The following HS3ST3B1 variants were observed in gnomAD, a reference collection of about 807,000 sequenced individuals.
HS3ST3B1 encodes the protein heparan sulfate glucosamine 3-O-sulfotransferase 3B1.
HS3ST3B1 carries 13 observed loss-of-function variants against 21.3 expected under a neutral mutation model. The ratio of observed to expected loss-of-function variants is 0.61; its 90% CI spans 0.40 to 0.97. The LOEUF is 0.97. Ranked by LOEUF, HS3ST3B1 falls within the 50% of genes least tolerant of loss-of-function variation. The pLI is 0.00. For synonymous variants in HS3ST3B1, 234 were observed against 254.8 expected (o/e 0.92, Z 0.78); for missense variants, 459 against 554.8 (o/e 0.83, Z 1.73).
intron 1 of HS3ST3B1, among the ~76,000 whole-genome samples, chr17:14,339,521 A>G (rs1295769018): frequency 6.6e-6 from 1 of 152,218 alleles, no homozygotes; most frequent in East Asian, 1.9e-4. Context: ...AGAGCTGACT[A>G]CAAGTCCCAA....
At chr17:14,316,984 G>T (rs1261755637) in intron 1 of HS3ST3B1, among the ~76,000 whole-genome samples, 1 of 152,220 alleles carries the variant, frequency 6.6e-6, no homozygotes, top group Admixed American at 6.5e-5. Context: ...CGTACTTGGG[G>T]AAATTCTAAC....
intron 1 of HS3ST3B1, among the ~76,000 whole-genome samples, chr17:14,302,445 C>G (rs1009421800): frequency 1.3e-5 from 2 of 152,152 alleles, no homozygotes; most frequent in African/African-American, 2.4e-5. Context: ...CTCCCGGAGC[C>G]CGAGACGCTG....
intron 1 of HS3ST3B1, among the ~76,000 whole-genome samples, chr17:14,334,978 A>G (rs566005433): frequency 6.6e-6 from 1 of 152,078 alleles, no homozygotes; most frequent in Non-Finnish European, 1.5e-5. Flanking sequence ...GAGGGGGGAA[A>G]TCTTGTAAAG....
At position 14,330,900 on chromosome 17, in the gene HS3ST3B1, C is replaced by A. The variant is rs551974536; in HGVS notation, c.555-14128C>A. Among the ~76,000 whole-genome samples the A allele has an allele frequency of 2.6e-5, 4 of 152,224 alleles. No individual in the cohort carries two copies. In the South Asian group the frequency reaches 8.3e-4, roughly 32 times the overall value. ...GGTGTTAGAGACCGGGAAGCTAGGA[C>A]TCATCAGAGACAAAACGTTGGCCCA... On this transcript the variant is annotated intron_variant, in intron 1 of 1. Transcript: ENST00000360954.
intron 1 of HS3ST3B1, among the ~76,000 whole-genome samples, chr17:14,344,314 G>A (rs1910484369): frequency 6.6e-6 from 1 of 152,172 alleles, no homozygotes; most frequent in Admixed American, 6.5e-5. Flanking sequence ...TGATGCTGAC[G>A]TTTGGGGTAC....
At chr17:14,337,358 C>A (rs937883483) in intron 1 of HS3ST3B1, among the ~76,000 whole-genome samples, 1 of 149,528 alleles carries the variant, frequency 6.7e-6, no homozygotes, top group Non-Finnish European at 1.5e-5. Flanking sequence ...GATGGAGTCT[C>A]TCTCCGTTGC....
At chr17:14,326,809 T>A (rs1037665952) in intron 1 of HS3ST3B1, among the ~76,000 whole-genome samples, 1 of 150,732 alleles carries the variant, frequency 6.6e-6, no homozygotes, top group Admixed American at 6.6e-5. Context: ...TAACCCCAGC[T>A]ACTTGGGAGG....
intron 1 of HS3ST3B1, chr17:14,305,214 A>G (rs1205324745): frequency 6.6e-6 from 1 of 152,268 alleles, no homozygotes; most frequent in Non-Finnish European, 1.5e-5. Context: ...TTAGTCTGCG[A>G]TGATGACTCT....
At chr17:14,314,328 A>G (rs1286553366) in intron 1 of HS3ST3B1, among the ~76,000 whole-genome samples, 1 of 152,218 alleles carries the variant, frequency 6.6e-6, no homozygotes, top group African/African-American at 2.4e-5. Flanking sequence ...AAAGTGTACA[A>G]ATCAGAAGTG....
At chr17:14,314,104 C>T (rs1269680270) in intron 1 of HS3ST3B1, among the ~76,000 whole-genome samples, 2 of 152,036 alleles carry the variant, frequency 1.3e-5, no homozygotes, top group South Asian at 2.1e-4. Context: ...CTCAGCCTCC[C>T]GAGTAGCTGG....
intron 1 of HS3ST3B1, among the ~76,000 whole-genome samples, chr17:14,325,226 G>T (rs1448548349): frequency 6.6e-6 from 1 of 152,234 alleles, no homozygotes; most frequent in African/African-American, 2.4e-5. Context: ...GAAGCACATG[G>T]TTAATCCAGC....
intron 1 of HS3ST3B1, among the ~76,000 whole-genome samples, chr17:14,324,252 T>A (rs976912457): frequency 4.4e-4 from 67 of 152,214 alleles, no homozygotes; most frequent in African/African-American, 1.5e-3. Context: ...CCCTCAAAAC[T>A]TCCTGGGTTA....
chr17:14,306,043 C>G (rs996981858), intron 1 of HS3ST3B1, among the ~76,000 whole-genome samples: 1 of 152,156 alleles, frequency 6.6e-6, no homozygotes, highest in East Asian at 1.9e-4. Context: ...GTGATTGAAG[C>G]AAGATATTTA....
At chr17:14,326,435 G>T (rs1474266318) in intron 1 of HS3ST3B1, among the ~76,000 whole-genome samples, 2 of 152,118 alleles carry the variant, frequency 1.3e-5, no homozygotes, top group African/African-American at 4.8e-5. Flanking sequence ...GTGGATGAGG[G>T]TATTCCCAGC....
At chr17:14,313,782 C>A (rs1909411891) in intron 1 of HS3ST3B1, among the ~76,000 whole-genome samples, 1 of 152,054 alleles carries the variant, frequency 6.6e-6, no homozygotes, top group African/African-American at 2.4e-5. Flanking sequence ...GTTGCTCAGG[C>A]TGGTCTCGAA....
chr17:14,346,267 T>TC lies in HS3ST3B1; in HGVS notation c.*621_*622insC, dbSNP rs1232785508. On this transcript the variant is annotated 3_prime_UTR_variant, in exon 2 of 2. Transcript: ENST00000360954. ...TTTTTCTTTTTTTTTTTTTTTTTTT[T>TC]TTGAGATGGAGTCTTGCTCTTGTTG... The TC allele has an allele frequency of 1.4e-5, 2 of 146,714 alleles. No homozygotes were observed. Among genetic ancestry groups the TC allele is most frequent in the Admixed American group, 7.0e-5 (1 of 14,232 alleles). 9.1% of individuals were successfully genotyped at this position (146,714 alleles called of 1,614,324 possible).
At chr17:14,307,026 A>G (rs1377047549) in intron 1 of HS3ST3B1, among the ~76,000 whole-genome samples, 1 of 151,094 alleles carries the variant, frequency 6.6e-6, no homozygotes, top group Admixed American at 6.7e-5. Context: ...TAACCTAATC[A>G]TAAGTGTTTT....
intron 1 of HS3ST3B1, among the ~76,000 whole-genome samples, chr17:14,314,458 C>T (rs1458226164): frequency 6.6e-6 from 1 of 152,168 alleles, no homozygotes; most frequent in Non-Finnish European, 1.5e-5. Flanking sequence ...TTCTGGTTAC[C>T]GTCCCCATCC....
intron 1 of HS3ST3B1, among the ~76,000 whole-genome samples, chr17:14,310,699 C>G (rs778605740): frequency 3.3e-5 from 5 of 152,188 alleles, no homozygotes; most frequent in Non-Finnish European, 2.9e-5. Context: ...CTCTCCCTGC[C>G]GGTCCTGGCC....
Sources: gnomAD v4.1 joint callset for allele counts (sites outside exome capture counted in the v4.1 genomes callset) on GRCh38, gnomAD v4.1.1 for gene constraint, MANE v1.5 for transcripts, NCBI Gene and HGNC (gene_info 2026-07-23, HGNC 2026-07-21) for gene names.